PTPRD: variants seen among roughly 807,000 people sequenced by gnomAD.
The protein encoded by PTPRD is receptor-type tyrosine-protein phosphatase delta.
A neutral mutation model predicts 214.5 loss-of-function variants in PTPRD; 34 were observed. The observed-to-expected ratio is 0.16, with a 90% CI of 0.12 to 0.21. The LOEUF is 0.21. Ranked by LOEUF, PTPRD falls within the 10% of genes least tolerant of loss-of-function variation. The pLI, the probability that PTPRD is intolerant of heterozygous loss-of-function variation, is 1.00. For missense variants in PTPRD, 2,545 were observed against 2,398.7 expected (o/e 1.06, Z -1.27); for synonymous variants, 1,128 against 845.7 (o/e 1.33, Z -5.79).
intron 8 of PTPRD, among the ~76,000 whole-genome samples, chr9:9,451,202 C>T (rs185324431): frequency 6.6e-6 from 1 of 151,668 alleles, no homozygotes; most frequent in Admixed American, 6.6e-5. Flanking sequence ...AAGTTTTACC[C>T]CATGTATGGA....
intron 7 of PTPRD, among the ~76,000 whole-genome samples, chr9:9,661,171 A>G (rs921773196): frequency 1.3e-5 from 2 of 151,820 alleles, no homozygotes; most frequent in Non-Finnish European, 2.9e-5. Context: ...GGCTATGCAA[A>G]TTTTCTATAA....
chr9:9,696,499 G>A (rs377225645), intron 7 of PTPRD, among the ~76,000 whole-genome samples: 4 of 152,018 alleles, frequency 2.6e-5, no homozygotes, highest in Non-Finnish European at 5.9e-5. Context: ...TGTGTGCATA[G>A]ATATTTGTAA....
At position 8,610,286 on chromosome 9, in the gene PTPRD, T is replaced by G. The variant is rs569341817; in HGVS notation, c.352+23031A>C. Among the ~76,000 whole-genome samples, 19 of 152,294 alleles carry G rather than the reference T, an allele frequency of 1.2e-4. No individual in the cohort carries two copies. The South Asian group carries it at 3.3e-3, about 27-fold the overall frequency. ...ATATATATATTTTTTGTAAAGCACT[T>G]AGCATACTGTTCGGCACATATTAAA... On this transcript the variant is annotated intron_variant, in intron 14 of 45. Transcript: ENST00000381196.
intron 8 of PTPRD, among the ~76,000 whole-genome samples, chr9:9,448,879 C>T (rs2091308316): frequency 6.6e-6 from 1 of 151,976 alleles, no homozygotes; most frequent in Non-Finnish European, 1.5e-5. Flanking sequence ...CTAATCATTG[C>T]CTCGTCTTCC....
At chr9:9,495,325 A>G (rs1246765369) in intron 8 of PTPRD, among the ~76,000 whole-genome samples, 2 of 150,406 alleles carry the variant, frequency 1.3e-5, no homozygotes, top group Non-Finnish European at 1.5e-5. Flanking sequence ...AAAAAAAAAA[A>G]GCAACAACAA....
intron 4 of PTPRD, among the ~76,000 whole-genome samples, chr9:9,966,726 C>T (rs2094729140): frequency 6.6e-6 from 1 of 152,032 alleles, no homozygotes; most frequent in Non-Finnish European, 1.5e-5. Context: ...TACACTCCTT[C>T]GGTCAGTGTT....
chr9:8,605,970 G>A (rs1434527873), intron 14 of PTPRD, among the ~76,000 whole-genome samples: 2 of 151,992 alleles, frequency 1.3e-5, no homozygotes, highest in Admixed American at 6.6e-5. Flanking sequence ...TCGGGGAGCG[G>A]GGGTGTCGAG....
chr9:9,332,020 A>G (rs1054139290), intron 9 of PTPRD, among the ~76,000 whole-genome samples: 1 of 152,034 alleles, frequency 6.6e-6, no homozygotes, highest in African/African-American at 2.4e-5. Flanking sequence ...TGCTAATTAC[A>G]TATTTGTTCC....
At chr9:9,773,349 C>T (rs900996180) in intron 5 of PTPRD, among the ~76,000 whole-genome samples, 1 of 152,100 alleles carries the variant, frequency 6.6e-6, no homozygotes, top group Non-Finnish European at 1.5e-5. Flanking sequence ...ATGTTTCTTC[C>T]CACAGTTATA....
At chr9:9,077,478 A>G (rs1358079109) in intron 10 of PTPRD, among the ~76,000 whole-genome samples, 2 of 152,070 alleles carry the variant, frequency 1.3e-5, no homozygotes, top group African/African-American at 2.4e-5. Flanking sequence ...AACAAAGTCA[A>G]TATAAGATGT....
In PTPRD at chr9:9,279,094, C is replaced by G. The variant is rs573801227; in HGVS notation, c.-202-95731G>C. On this transcript the variant is annotated intron_variant, in intron 9 of 45. Coordinates refer to ENST00000381196, the MANE Select transcript of PTPRD (RefSeq NM_002839.4). ...AAGAAAGTAATGTTTAATAAAAAAG[C>G]TTACCTCTGTCCATATTTTTGTGCC... Among the ~76,000 whole-genome samples the G allele has an allele frequency of 8.9e-4, 135 of 151,112 alleles. No individual in the cohort carries two copies. The South Asian group carries it at 0.027, about 30-fold the overall frequency.
At chr9:9,247,709 T>A (rs2099973703) in intron 9 of PTPRD, among the ~76,000 whole-genome samples, 1 of 152,120 alleles carries the variant, frequency 6.6e-6, no homozygotes, top group South Asian at 2.1e-4. Context: ...TCACCTCTTC[T>A]GACCCTTGAA....
At chr9:10,592,289 C>T (rs2075652887) in intron 2 of PTPRD, among the ~76,000 whole-genome samples, 1 of 151,900 alleles carries the variant, frequency 6.6e-6, no homozygotes. Context: ...AGCCAGTAGA[C>T]TAAATCTCAC....
chr9:9,173,814 A>G (rs957827244), intron 10 of PTPRD, among the ~76,000 whole-genome samples: 8 of 152,048 alleles, frequency 5.3e-5, no homozygotes, highest in East Asian at 1.9e-4. Context: ...TATACCCGAT[A>G]CTTTGCCGGT....
chr9:8,746,727 C>G (rs566341764), intron 11 of PTPRD, among the ~76,000 whole-genome samples: 12 of 152,256 alleles, frequency 7.9e-5, no homozygotes, highest in African/African-American at 2.6e-4. Flanking sequence ...GGCACGATGC[C>G]TCATGCCTGT....
intron 5 of PTPRD, among the ~76,000 whole-genome samples, chr9:9,863,923 G>A (rs1399844622): frequency 6.6e-6 from 1 of 151,878 alleles, no homozygotes. Context: ...GAATTTTGCA[G>A]TTATGTGAGT....
At chr9:9,239,676 G>GTACA (rs2099969346) in intron 9 of PTPRD, among the ~76,000 whole-genome samples, 1 of 152,144 alleles carries the variant, frequency 6.6e-6, no homozygotes, top group Non-Finnish European at 1.5e-5. Flanking sequence ...GATGGCCATG[G>GTACA]TACAGCCTGA....
intron 3 of PTPRD, among the ~76,000 whole-genome samples, chr9:10,299,830 A>G (rs1213949778): frequency 6.6e-6 from 1 of 152,300 alleles, no homozygotes; most frequent in East Asian, 1.9e-4. Flanking sequence ...TTACATTGCT[A>G]TAATTTATCT....
intron 10 of PTPRD, among the ~76,000 whole-genome samples, chr9:9,158,398 G>A (rs182631788): frequency 3.3e-5 from 5 of 152,054 alleles, no homozygotes; most frequent in Admixed American, 2.0e-4. Flanking sequence ...TCAGGAGTTC[G>A]AGATCAGCCT....
Sources: gnomAD v4.1 joint callset for allele counts (sites outside exome capture counted in the v4.1 genomes callset) on GRCh38, gnomAD v4.1.1 for gene constraint, MANE v1.5 for transcripts, NCBI Gene and HGNC (gene_info 2026-07-23, HGNC 2026-07-21) for gene names.